The following PCDH7 variants were observed in gnomAD, a reference collection of about 807,000 sequenced individuals.
The protein encoded by PCDH7 is protocadherin 7, also known as protocadherin-7.
A neutral mutation model predicts 58.9 loss-of-function variants in PCDH7; 17 were observed. The ratio of observed to expected loss-of-function variants is 0.29; its 90% CI spans 0.20 to 0.43. The LOEUF (loss-of-function observed/expected upper bound fraction) is 0.43. Among genes scored for constraint, PCDH7 ranks in the 20% least tolerant of loss-of-function variants. The probability of loss-of-function intolerance (pLI) is 1.00; values close to 1 mark genes in which losing one functional copy is unlikely to be tolerated. For synonymous variants in PCDH7, 664 were observed against 616.4 expected (o/e 1.08, Z -1.14); for missense variants, 1,274 against 1,441.0 (o/e 0.88, Z 1.88).
At chr4:30,869,176 A>G (rs1021779114) in intron 1 of PCDH7, 3 of 152,084 alleles carry the variant, frequency 2.0e-5, no homozygotes, top group Admixed American at 1.3e-4. Flanking sequence ...TCTCATTAGG[A>G]CTTCATGTAA....
At chr4:30,790,109 T>C (rs532183918) in intron 1 of PCDH7, among the ~76,000 whole-genome samples, 277 of 152,316 alleles carry the variant, frequency 1.8e-3, no homozygotes, top group Non-Finnish European at 2.5e-3. Flanking sequence ...CTTTTGGTTT[T>C]AGTTCTTGTT....
intron 1 of PCDH7, among the ~76,000 whole-genome samples, chr4:30,779,126 T>A (rs1281023877): frequency 6.6e-6 from 1 of 150,580 alleles, no homozygotes; most frequent in Non-Finnish European, 1.5e-5. Context: ...GTTGAAGCGA[T>A]TCTCCTGCCT....
intron 3 of PCDH7, among the ~76,000 whole-genome samples, chr4:31,066,704 C>T (rs989506147): frequency 6.6e-6 from 1 of 151,778 alleles, no homozygotes; most frequent in Non-Finnish European, 1.5e-5. Context: ...TTGGTCATGC[C>T]ATTGACACAA....
intron 1 of PCDH7, among the ~76,000 whole-genome samples, chr4:30,816,332 A>G (rs1313946933): frequency 6.6e-6 from 1 of 152,216 alleles, no homozygotes; most frequent in Non-Finnish European, 1.5e-5. Flanking sequence ...AAATCTCTGA[A>G]GTACTTCTCT....
At chr4:30,851,277 A>G (rs905196314) in intron 1 of PCDH7, among the ~76,000 whole-genome samples, 2 of 151,916 alleles carry the variant, frequency 1.3e-5, no homozygotes, top group Admixed American at 1.3e-4. Context: ...TGGGCCTGGA[A>G]ATTAGACTTA....
At chr4:31,085,914 T>C (rs941614957) in intron 3 of PCDH7, among the ~76,000 whole-genome samples, 38 of 149,940 alleles carry the variant, frequency 2.5e-4, no homozygotes, top group Non-Finnish European at 3.0e-4. Context: ...CATTTACAAA[T>C]GACCATGTCA....
At chr4:30,853,319 C>A (rs1443541702) in intron 1 of PCDH7, among the ~76,000 whole-genome samples, 1 of 152,074 alleles carries the variant, frequency 6.6e-6, no homozygotes, top group Admixed American at 6.6e-5. Context: ...AATCAAATGT[C>A]TAGGAGAGTG....
chr4:30,755,444 GA>G (rs1719168569), intron 1 of PCDH7, among the ~76,000 whole-genome samples: 1 of 151,672 alleles, frequency 6.6e-6, no homozygotes, highest in Admixed American at 6.6e-5. Flanking sequence ...GCTCTTGACA[GA>G]AAAAAAAGAG....
chr4:30,944,529 A>C (rs1487524570), intron 2 of PCDH7, among the ~76,000 whole-genome samples: 1 of 152,150 alleles, frequency 6.6e-6, no homozygotes, highest in African/African-American at 2.4e-5. Flanking sequence ...AGGACCACTG[A>C]CTAAATTAAC....
At chr4:30,849,076 A>G (rs1223423168) in intron 1 of PCDH7, among the ~76,000 whole-genome samples, 1 of 151,986 alleles carries the variant, frequency 6.6e-6, no homozygotes, top group Non-Finnish European at 1.5e-5. Flanking sequence ...AAACACATTC[A>G]CTTATTTGTG....
At chr4:30,774,600 T>G (rs575256665) in intron 1 of PCDH7, among the ~76,000 whole-genome samples, 9 of 152,272 alleles carry the variant, frequency 5.9e-5, no homozygotes, top group African/African-American at 2.2e-4. Context: ...TTGGCCCTCA[T>G]AGAGTTTATG....
chr4:31,106,020 A>AT (rs5857222), intron 3 of PCDH7, among the ~76,000 whole-genome samples: 13,052 of 135,272 alleles, frequency 0.096, 1,465 homozygotes, highest in East Asian at 0.45. Context: ...AAAAGAAAAA[A>AT]AAAATATATA....
downstream of PCDH7, chr4:31,145,896 G>T (rs1720639668): frequency 6.6e-6 from 1 of 151,724 alleles, no homozygotes; most frequent in African/African-American, 2.4e-5. Context: ...TTTCATTTTG[G>T]TTGTACAGTA....
At chr4:31,141,399 A>C (rs540088208) in intron 3 of PCDH7, among the ~76,000 whole-genome samples, 1 of 152,250 alleles carries the variant, frequency 6.6e-6, no homozygotes, top group Non-Finnish European at 1.5e-5. Context: ...ATAAAAAACA[A>C]TAAAACATTT....
At chr4:31,016,396 C>CTTTT (rs35635325) in intron 3 of PCDH7, among the ~76,000 whole-genome samples, 2 of 128,006 alleles carry the variant, frequency 1.6e-5, no homozygotes, top group Non-Finnish European at 3.3e-5. Context: ...AAAGACAGAT[C>CTTTT]TTTTTTTTTT....
chr4:30,953,872 A>C (rs1747592207), intron 3 of PCDH7, among the ~76,000 whole-genome samples: 1 of 152,156 alleles, frequency 6.6e-6, no homozygotes, highest in African/African-American at 2.4e-5. Context: ...CATTGGTGGA[A>C]GTAAAAGACA....
chr4:31,076,863 A>G (rs1399613965), intron 3 of PCDH7, among the ~76,000 whole-genome samples: 1 of 152,174 alleles, frequency 6.6e-6, no homozygotes, highest in Admixed American at 6.5e-5. Context: ...GTCAAACAAA[A>G]TCTTTGCACA....
intron 3 of PCDH7, among the ~76,000 whole-genome samples, chr4:31,109,792 A>G (rs1193158974): frequency 6.6e-6 from 1 of 152,222 alleles, no homozygotes; most frequent in Non-Finnish European, 1.5e-5. Flanking sequence ...TGTCCCACAG[A>G]CAATGCCATT....
At chr4:31,095,673 A>G (rs2109291754) in intron 3 of PCDH7, among the ~76,000 whole-genome samples, 1 of 152,276 alleles carries the variant, frequency 6.6e-6, no homozygotes, top group South Asian at 2.1e-4. Flanking sequence ...TGGATGGATG[A>G]GGCTTGGGAG....
Sources: allele counts gnomAD v4.1 joint callset (sites outside exome capture counted in the v4.1 genomes callset), GRCh38; gene constraint gnomAD v4.1.1; transcripts MANE v1.5; gene names NCBI Gene and HGNC (gene_info 2026-07-23, HGNC 2026-07-21).